Variants in PDE6C observed in about 807,000 individuals in gnomAD.
PDE6C encodes cone cGMP-specific 3',5'-cyclic phosphodiesterase subunit alpha'.
PDE6C carries 75 observed loss-of-function variants against 113.1 expected under a neutral mutation model. That is an observed-to-expected ratio of 0.66 (90% CI 0.55 to 0.80). The LOEUF (loss-of-function observed/expected upper bound fraction) is 0.80, where lower values mean the gene tolerates loss of function less well. Ranked by LOEUF, PDE6C falls within the 30% of genes least tolerant of loss-of-function variation. The pLI is 0.00. For synonymous variants in PDE6C, 375 were observed against 363.7 expected (o/e 1.03, Z -0.35); for missense variants, 912 against 1,038.6 (o/e 0.88, Z 1.67).
intron 21 of PDE6C, 43 bp downstream of exon 21, chr10:93,663,221 G>A (rs370794044): frequency 4.4e-6 from 7 of 1,587,698 alleles, no homozygotes; most frequent in Middle Eastern, 3.4e-4. Context: ...GTAGCCAGAA[G>A]CTAGGCTGAG....
At position 93,659,309 on chromosome 10, in the gene PDE6C, G is replaced by A. The variant is rs1276493369; in HGVS notation, c.2208+142G>A. 20 of 648,498 alleles carry A rather than the reference G, an allele frequency of 3.1e-5. No individual in the cohort carries two copies. The East Asian group carries it at 5.5e-4, about 18-fold the overall frequency. The allele number at this position is 648,498 out of a possible 1,614,324, so 40.2% of individuals were successfully genotyped here. On this transcript the variant is annotated intron_variant, in intron 18 of 21. Coordinates refer to ENST00000371447, the MANE Select transcript of PDE6C (RefSeq NM_006204.4). ...GTGAGACAGTAGGCAATTTGATTAG[G>A]CCCTAGAATAAAGCAAATAGAAGGA...
intron 5 of PDE6C, 94 bp downstream of exon 5, chr10:93,625,743 C>A: frequency 1.2e-6 from 1 of 823,848 alleles, no homozygotes; most frequent in Non-Finnish European, 2.1e-6. Context: ...CCTGGGAAGA[C>A]CTGGAGTAGT....
intron 4 of PDE6C, among the ~76,000 whole-genome samples, chr10:93,623,226 G>A (rs567764958): frequency 5.3e-5 from 8 of 152,262 alleles, no homozygotes; most frequent in African/African-American, 1.9e-4. Context: ...ATGATGTTGA[G>A]CATCTTCTCA....
intron 20 of PDE6C, 47 bp downstream of exon 20, chr10:93,662,690 G>A (rs764211113): frequency 1.1e-6 from 1 of 944,896 alleles, no homozygotes; most frequent in Admixed American, 1.8e-5. Context: ...ATTTGGATGA[G>A]AAATTTTCTT....
At chr10:93,652,171 T>C (rs1027680535) in intron 15 of PDE6C, among the ~76,000 whole-genome samples, 1 of 152,160 alleles carries the variant, frequency 6.6e-6, no homozygotes, top group African/African-American at 2.4e-5. Context: ...GTAAAGGCCA[T>C]ACATACCCAA....
intron 7 of PDE6C, 112 bp downstream of exon 7, chr10:93,626,983 C>A (rs2785138): frequency 0.23 from 224,782 of 967,692 alleles, 28,198 homozygotes; most frequent in East Asian, 0.36. Context: ...GCTAGATGGG[C>A]CGGGCGCGGT....
chr10:93,613,119 A>G lies in PDE6C; in HGVS notation c.394A>G (p.Lys132Glu). Residue 132 changes from lysine to glutamate, a missense_variant, in exon 1 of 22, where the codon AAA becomes GAA. Coordinates refer to ENST00000371447, the MANE Select transcript of PDE6C (RefSeq NM_006204.4). ...TGAGGACAACCTGGTGGGCCCTGAC[A>G]AAGAAGTTGTGTTTCCATTGGACAT... ...KFEDNLVGPD[K>E]EVVFPLDIGI... The G allele has an allele frequency of 6.2e-7, 1 of 1,614,194 alleles. No individual in the cohort carries two copies. The highest frequency in any genetic ancestry group is 1.3e-5 in the African/African-American group (1 of 75,064).
intron 10 of PDE6C, 80 bp from the exon 11 acceptor site, chr10:93,636,915 C>T: frequency 1.2e-6 from 1 of 811,266 alleles, no homozygotes; most frequent in African/African-American, 1.7e-5. Context: ...TATATCTTAA[C>T]TAAGATTGTA....
Position 93,641,000 on chromosome 10 carries a change from C to T in PDE6C, c.1818C>T (p.His606=), listed in dbSNP as rs2058557095. 3 of 1,609,486 alleles carry T rather than the reference C, an allele frequency of 1.9e-6. No homozygotes were observed. The highest frequency in any genetic ancestry group is 2.6e-6 in the Non-Finnish European group (3 of 1,175,816). ...LAAAFCHDID[H]RGTNNLYQMK... ...CTGCTTTCTGCCATGATATTGACCA[C>T]AGAGGCACCAATAATTTGTACCAGA... Residue 606 remains histidine, a synonymous_variant, in exon 14 of 22, where the codon CAC becomes CAT. Coordinates refer to ENST00000371447, the MANE Select transcript of PDE6C (RefSeq NM_006204.4).
chr10:93,621,376 C>A (rs2058445473), intron 3 of PDE6C, among the ~76,000 whole-genome samples: 1 of 152,160 alleles, frequency 6.6e-6, no homozygotes, highest in South Asian at 2.1e-4. Context: ...GCATATTATT[C>A]CTAACTCCAT....
intron 3 of PDE6C, among the ~76,000 whole-genome samples, chr10:93,621,332 T>C (rs1229530427): frequency 6.6e-6 from 1 of 152,256 alleles, no homozygotes; most frequent in African/African-American, 2.4e-5. Flanking sequence ...TTTGTAGAAA[T>C]TCCTGGGTCA....
At chr10:93,655,952 T>A (rs2058635992) in intron 16 of PDE6C, 92 bp downstream of exon 16, 3 of 793,526 alleles carry the variant, frequency 3.8e-6, no homozygotes, top group Non-Finnish European at 6.9e-6. Flanking sequence ...TAAAAGGCAT[T>A]TATTCACACA....
chr10:93,637,470 G>C (rs1430559664), intron 11 of PDE6C, among the ~76,000 whole-genome samples: 1 of 151,970 alleles, frequency 6.6e-6, no homozygotes, highest in Non-Finnish European at 1.5e-5. Context: ...TTCTCTTCTG[G>C]AGTCTGAAGG....
chr10:93,651,456 G>A (rs1022883155), intron 15 of PDE6C, among the ~76,000 whole-genome samples: 2 of 152,202 alleles, frequency 1.3e-5, no homozygotes, highest in East Asian at 3.8e-4. Context: ...AGGCAAGAGT[G>A]TGTGAGAAAG....
Position 93,621,944 on chromosome 10 carries a change from T to C in PDE6C, c.736T>C (p.Ser246Pro), listed in dbSNP as rs1256862126. The change falls in exon 4 of 22, where the codon TCA becomes CCA. Residue 246 changes from serine to proline, a missense_variant. Ser to Pro is a moderately conservative substitution (Grantham distance 74). Transcript: ENST00000371447. ...TACCTACTTTCAGATCCTTATGTGG[T>C]CAGCCAATAAAGTATTTGAAGAACT... ...ESRRSQILMW[S>P]ANKVFEELTD... 3 of 1,613,904 alleles carry C rather than the reference T, an allele frequency of 1.9e-6. No homozygotes were observed. The Admixed American group carries it at 5.0e-5, about 27-fold the overall frequency.
chr10:93,625,580 C>G lies in PDE6C; in HGVS notation c.870C>G (p.Phe290Leu). 6.2e-7 allele frequency: 1 copy of G among 1,611,126 alleles called. No individual in the cohort carries two copies. ...GLLDMTKEKE[F>L]YDEWPIKLGE... The stretch of plus-strand genomic sequence containing the variant: ...TTAAATCTGATTGCCTCCAGGAATT[C>G]TACGATGAATGGCCAATCAAGCTTG... The change falls in exon 5 of 22, where the codon TTC (phenylalanine) becomes TTG (leucine). Residue 290 changes from phenylalanine (F) to leucine (L), a missense_variant. Physicochemically the swap from Phe to Leu is conservative, Grantham distance 22. Transcript: ENST00000371447.
At chr10:93,659,057 T>A (rs2058654397) in intron 17 of PDE6C, 47 bp from the exon 18 acceptor site, 1 of 1,570,770 alleles carries the variant, frequency 6.4e-7, no homozygotes, top group African/African-American at 1.4e-5. Context: ...AAAAATAACT[T>A]ATTTTGTACT....
rs1436991168 is a variant in PDE6C, at chr10:93,655,753, C to T, written c.1936-7C>T. The T allele has an allele frequency of 2.7e-6, 4 of 1,462,996 alleles. No individual in the cohort carries two copies. The highest frequency in any genetic ancestry group is 3.8e-6 in the Non-Finnish European group (4 of 1,042,864). The allele number at this position is 1,462,996 out of a possible 1,614,324, so 90.6% of individuals were successfully genotyped here. ...ATAGCATTTTATTGTGAATTTTCATCTTACAGAGTTTAAACATCTTCCAGA... is the reference window on the plus strand; with the variant it reads ...ATAGCATTTTATTGTGAATTTTCATTTTACAGAGTTTAAACATCTTCCAGA... On this transcript the variant is annotated splice_region_variant and splice_polypyrimidine_tract_variant and intron_variant, in intron 15 of 21. Transcript: ENST00000371447.
chr10:93,622,665 G>T (rs202000767), intron 4 of PDE6C, among the ~76,000 whole-genome samples: 1,886 of 54,586 alleles, frequency 0.035, 65 homozygotes, highest in African/African-American at 0.079. Flanking sequence ...TTTTTTTGTT[G>T]TTTTTTTTTT....
Sources: gnomAD v4.1 joint callset for allele counts (sites outside exome capture counted in the v4.1 genomes callset) on GRCh38, gnomAD v4.1.1 for gene constraint, MANE v1.5 for transcripts, NCBI Gene and HGNC (gene_info 2026-07-23, HGNC 2026-07-21) for gene names.